STK3: variants seen among roughly 807,000 people sequenced by gnomAD.
STK3 encodes the protein serine/threonine-protein kinase 3.
STK3 carries 41 observed loss-of-function variants against 58.0 expected under a neutral mutation model. The ratio of observed to expected loss-of-function variants is 0.71; its 90% CI spans 0.55 to 0.92. The LOEUF (loss-of-function observed/expected upper bound fraction) is 0.92, where lower values mean the gene tolerates loss of function less well. Among genes scored for constraint, STK3 ranks in the 40% least tolerant of loss-of-function variants. STK3 has a pLI of 0.00. For synonymous variants in STK3, 170 were observed against 191.0 expected, an observed-to-expected ratio of 0.89 and a Z score of 0.91; for missense variants, 479 against 602.7, an observed-to-expected ratio of 0.79 and a Z score of 2.15.
At chr8:98,547,654 T>C (rs1240244908) in intron 9 of STK3, among the ~76,000 whole-genome samples, 1 of 152,188 alleles carries the variant, frequency 6.6e-6, no homozygotes, top group Non-Finnish European at 1.5e-5. Context: ...TAGGTTCACT[T>C]TTTTAATTGG....
intron 8 of STK3, among the ~76,000 whole-genome samples, chr8:98,577,188 C>G (rs1168682090): frequency 3.9e-5 from 6 of 152,142 alleles, no homozygotes; most frequent in African/African-American, 1.4e-4. Context: ...CCACCACTCA[C>G]TTGCTTTTAA....
intron 6 of STK3, among the ~76,000 whole-genome samples, chr8:98,676,972 T>C (rs1823262933): frequency 6.6e-6 from 1 of 152,236 alleles, no homozygotes; most frequent in African/African-American, 2.4e-5. Context: ...AAAGTATTAC[T>C]GCCTTTCAAC....
intron 4 of STK3, among the ~76,000 whole-genome samples, chr8:98,740,451 A>G (rs1474336140): frequency 1.3e-5 from 2 of 152,222 alleles, no homozygotes; most frequent in African/African-American, 4.8e-5. Flanking sequence ...AAGATTATTA[A>G]AGAAAAGAAT....
intron 6 of STK3, among the ~76,000 whole-genome samples, chr8:98,642,140 A>G (rs558524702): frequency 6.6e-6 from 1 of 152,280 alleles, no homozygotes; most frequent in South Asian, 2.1e-4. Context: ...CAAATGTCAC[A>G]AGTTCTCATT....
At chr8:98,348,547 A>T in the STK3 span, among the ~76,000 whole-genome samples, 14 of 152,252 alleles carry the variant, frequency 9.2e-5, no homozygotes, top group African/African-American at 3.4e-4. Flanking sequence ...TCCAAAATAC[A>T]CCAAGAATTT....
At chr8:98,737,412 G>A (rs1218777625) in intron 4 of STK3, among the ~76,000 whole-genome samples, 1 of 151,910 alleles carries the variant, frequency 6.6e-6, no homozygotes, top group African/African-American at 2.4e-5. Flanking sequence ...AAATAAATGG[G>A]GTACTAGGCA....
intron 6 of STK3, among the ~76,000 whole-genome samples, chr8:98,694,167 G>C (rs755700357): frequency 1.3e-5 from 2 of 152,116 alleles, no homozygotes; most frequent in South Asian, 4.1e-4. Flanking sequence ...AAAAAGGGAG[G>C]TGGAAGCCAG....
intron 3 of STK3, among the ~76,000 whole-genome samples, chr8:98,858,029 C>T (rs1430771246): frequency 2.6e-5 from 4 of 151,796 alleles, no homozygotes; most frequent in Non-Finnish European, 5.9e-5. Flanking sequence ...ACATGTTTAC[C>T]AATGGCTGGA....
At chr8:98,514,312 A>G (rs1824757021) in intron 10 of STK3, among the ~76,000 whole-genome samples, 1 of 152,158 alleles carries the variant, frequency 6.6e-6, no homozygotes, top group African/African-American at 2.4e-5. Context: ...GTCCAAAGGC[A>G]TAGTTAAGAG....
At chr8:98,692,958 G>T (rs865950057) in intron 6 of STK3, among the ~76,000 whole-genome samples, 1 of 152,028 alleles carries the variant, frequency 6.6e-6, no homozygotes, top group Non-Finnish European at 1.5e-5. Flanking sequence ...ATTTGGGGGG[G>T]AAAAATACAA....
At chr8:98,365,668 G>T in the STK3 span, among the ~76,000 whole-genome samples, 1 of 144,876 alleles carries the variant, frequency 6.9e-6, no homozygotes, top group African/African-American at 2.5e-5. Context: ...ACCCTATGAT[G>T]GTTTCCATGT....
intron 4 of STK3, among the ~76,000 whole-genome samples, chr8:98,727,794 G>C (rs1827887174): frequency 1.3e-5 from 2 of 152,080 alleles, no homozygotes; most frequent in African/African-American, 4.8e-5. Context: ...ACCTCCCCTA[G>C]CTAGTTTGTC....
chr8:98,796,103 A>G (rs977483848), intron 1 of STK3, among the ~76,000 whole-genome samples: 27 of 152,226 alleles, frequency 1.8e-4, no homozygotes, highest in African/African-American at 6.3e-4. Flanking sequence ...ATTCCTATCA[A>G]GCTACCAACA....
At chr8:98,579,570 T>A in intron 8 of STK3, 94 bp downstream of exon 8, 1 of 1,416,042 alleles carries the variant, frequency 7.1e-7, no homozygotes, top group Non-Finnish European at 9.6e-7. Context: ...CTTACTTGTA[T>A]AGTAAAACAG....
intron 1 of STK3, among the ~76,000 whole-genome samples, chr8:98,893,494 AAGAAAGAAAG>A (rs1587812858): frequency 8.5e-6 from 1 of 117,020 alleles, no homozygotes; most frequent in East Asian, 2.7e-4. Context: ...AAGAGAAAGA[AAGAAAGAAAG>A]AAAGAAAGAA....
At chr8:98,448,479 G>A (rs1819052593) in intron 1 of STK3, among the ~76,000 whole-genome samples, 1 of 152,100 alleles carries the variant, frequency 6.6e-6, no homozygotes, top group South Asian at 2.1e-4. Context: ...AGCTGTCATA[G>A]AATAAGTGGA....
At chr8:98,587,907 A>G (rs1026847336) in intron 7 of STK3, among the ~76,000 whole-genome samples, 2 of 152,078 alleles carry the variant, frequency 1.3e-5, no homozygotes, top group African/African-American at 2.4e-5. Context: ...TTTATCAGAG[A>G]CTAGGATTGC....
chr8:98,600,060 C>T (rs898347280), intron 6 of STK3, among the ~76,000 whole-genome samples: 3 of 152,186 alleles, frequency 2.0e-5, no homozygotes, highest in Non-Finnish European at 4.4e-5. Context: ...AATAGTAAAT[C>T]TAAAGTGAAA....
intron 10 of STK3, among the ~76,000 whole-genome samples, chr8:98,508,674 T>G (rs1824273145): frequency 6.6e-6 from 1 of 152,204 alleles, no homozygotes; most frequent in South Asian, 2.1e-4. Flanking sequence ...AAAATTTTTA[T>G]GTGGCTGTGG....
Sources: allele counts gnomAD v4.1 joint callset (sites outside exome capture counted in the v4.1 genomes callset), GRCh38; gene constraint gnomAD v4.1.1; transcripts MANE v1.5; gene names NCBI Gene and HGNC (gene_info 2026-07-23, HGNC 2026-07-21).